COL4A6: variants seen among roughly 807,000 people sequenced by gnomAD.
COL4A6 encodes the protein collagen type IV alpha 6 chain.
A neutral mutation model predicts 126.7 loss-of-function variants in COL4A6; 59 were observed. The ratio of observed to expected loss-of-function variants is 0.47; its 90% confidence interval spans 0.38 to 0.58. The LOEUF (loss-of-function observed/expected upper bound fraction) is 0.58, where lower values mean the gene tolerates loss of function less well. Among genes scored for constraint, COL4A6 ranks in the 20% least tolerant of loss-of-function variants. The pLI is 0.00. For missense variants in COL4A6, 1,285 were observed against 1,337.3 expected, an observed-to-expected ratio of 0.96 and a Z score of 0.61; for synonymous variants, 547 against 496.6, an observed-to-expected ratio of 1.10 and a Z score of -1.35.
intron 3 of COL4A6, among the ~76,000 whole-genome samples, chrX:108,282,021 T>G (rs1316670150): frequency 9.0e-6 from 1 of 111,045 alleles, no homozygotes; most frequent in Non-Finnish European, 1.9e-5. Flanking sequence ...ACTGAAACGT[T>G]AGACCTAAAA....
intron 2 of COL4A6, among the ~76,000 whole-genome samples, chrX:108,385,285 T>A (rs1411048106): frequency 9.2e-6 from 1 of 108,429 alleles, no homozygotes; most frequent in Non-Finnish European, 1.9e-5. Context: ...ATATAGGAAT[T>A]ACTTTGACAA....
At chrX:108,421,649 A>G (rs2063983169) in intron 2 of COL4A6, among the ~76,000 whole-genome samples, 1 of 112,326 alleles carries the variant, frequency 8.9e-6, no homozygotes, top group African/African-American at 3.2e-5. Flanking sequence ...AGATTTATCC[A>G]TGTAAATCTC....
rs1307806854 is a variant in COL4A6, at chrX:108,194,529, A to G, written c.1002+5T>C. The G allele has an allele frequency of 8.3e-7, 1 of 1,206,501 alleles. No individual in the cohort carries two copies. Among genetic ancestry groups the G allele is most frequent in the Non-Finnish European group, 1.1e-6 (1 of 893,428 alleles). ...AACCCTGGATTTTTCACTTCCCAAC[A>G]TTACCTCAATTCCTTGGAATCCATT... On this transcript the variant is annotated splice_donor_5th_base_variant and intron_variant, in intron 16 of 44. Coordinates refer to ENST00000334504, the MANE Select transcript of COL4A6 (RefSeq NM_033641.4).
intron 2 of COL4A6, among the ~76,000 whole-genome samples, chrX:108,393,369 G>T (rs963521010): frequency 1.8e-5 from 2 of 112,222 alleles, no homozygotes; most frequent in African/African-American, 6.5e-5. Context: ...CTAAGTGAAA[G>T]AATCCATTTA....
chrX:108,269,991 G>A (rs1209629737), intron 3 of COL4A6, among the ~76,000 whole-genome samples: 3 of 111,810 alleles, frequency 2.7e-5, no homozygotes, highest in Admixed American at 1.9e-4. Flanking sequence ...GTCCTTTGGA[G>A]CCATGGGCCT....
chrX:108,188,085 C>T (rs1368576979), intron 21 of COL4A6, 58 bp from the exon 22 acceptor site: 17 of 995,271 alleles, frequency 1.7e-5, no homozygotes, highest in Admixed American at 4.9e-5. Flanking sequence ...CATAGAATTC[C>T]GGCACCTAGC....
rs1603091133 is a variant in COL4A6, at chrX:108,324,527, A to T, written c.64-13699T>A. On this transcript the variant is annotated intron_variant, in intron 2 of 44. Transcript: ENST00000334504. ...CATGTGAGGAATACTCAGATTTAGCAAATAAAAATACAGGATGCACATTAA... is the reference window on the plus strand; with the variant it reads ...CATGTGAGGAATACTCAGATTTAGCTAATAAAAATACAGGATGCACATTAA... Among the ~76,000 whole-genome samples the T allele has an allele frequency of 6.2e-5, 7 of 112,131 alleles. 2 individuals are homozygous for T.
rs185190478 is a variant in COL4A6 at position 108,260,350 on chromosome X, A to G, written c.145-38976T>C. 9.9e-5 allele frequency among the ~76,000 whole-genome samples: 11 copies of G among 111,316 alleles called. No individual in the cohort carries two copies. In the East Asian group the frequency reaches 3.1e-3, roughly 32 times the overall value. On this transcript the variant is annotated intron_variant, in intron 3 of 44. Coordinates refer to ENST00000334504, the MANE Select transcript of COL4A6 (RefSeq NM_033641.4). ...TAAATGGAAAAGAAACATTTTGCAA[A>G]TTAAGTGAATGATATGGTTTGGCTC...
intron 1 of COL4A6, 56 bp from the exon 2 acceptor site, chrX:108,438,049 T>C: frequency 8.4e-7 from 1 of 1,195,996 alleles, no homozygotes. Context: ...GTCGTGCGTC[T>C]GCCTGTCGCC....
At chrX:108,303,326 G>A (rs2038541366) in intron 3 of COL4A6, among the ~76,000 whole-genome samples, 1 of 110,871 alleles carries the variant, frequency 9.0e-6, no homozygotes, top group Non-Finnish European at 1.9e-5. Context: ...TTAGAGACTA[G>A]GGAGGAAAGG....
intron 27 of COL4A6, among the ~76,000 whole-genome samples, chrX:108,178,444 A>G (rs950608223): frequency 8.9e-6 from 1 of 112,540 alleles, no homozygotes; most frequent in African/African-American, 3.2e-5. Flanking sequence ...GCATGAGGCC[A>G]TGGAGGAGGC....
intron 3 of COL4A6, among the ~76,000 whole-genome samples, chrX:108,251,598 C>T (rs1288702487): frequency 8.9e-6 from 1 of 112,102 alleles, no homozygotes; most frequent in Non-Finnish European, 1.9e-5. Flanking sequence ...TATACATTTA[C>T]TGCCTCTGTA....
intron 3 of COL4A6, among the ~76,000 whole-genome samples, chrX:108,222,372 T>C (rs948374069): frequency 2.7e-5 from 3 of 112,503 alleles, no homozygotes; most frequent in Admixed American, 9.4e-5. Flanking sequence ...TCTCCACCTC[T>C]TGGCCCCTTT....
chrX:108,238,545 A>C (rs2148313333), intron 3 of COL4A6, among the ~76,000 whole-genome samples: 1 of 109,661 alleles, frequency 9.1e-6, no homozygotes, highest in African/African-American at 3.3e-5. Flanking sequence ...CTTATGTAAT[A>C]TTCAAAAGTA....
At position 108,438,168 on chromosome X, in the gene COL4A6, G is replaced by C. The variant is rs1177777187; in HGVS notation, c.11+18C>G. The C allele has an allele frequency of 1.7e-6, 2 of 1,205,766 alleles. No individual in the cohort carries two copies. The highest frequency in any genetic ancestry group is 2.2e-6 in the Non-Finnish European group (2 of 893,355). On this transcript the variant is annotated intron_variant, in intron 1 of 44. Transcript: ENST00000334504. ...GAAGTAAGAAAGAGGAGGGGAGCTC[G>C]GGGCAGCAACAGCTCACCCAGGGTG... is the stretch of plus-strand genomic sequence containing the variant.
chrX:108,384,178 G>A (rs1173961209), intron 2 of COL4A6, among the ~76,000 whole-genome samples: 2 of 110,066 alleles, frequency 1.8e-5, no homozygotes, highest in Non-Finnish European at 3.8e-5. Flanking sequence ...TAACCACTTA[G>A]CCACTTACCC....
chrX:108,416,551 G>A (rs1260329529), intron 2 of COL4A6, among the ~76,000 whole-genome samples: 1 of 111,929 alleles, frequency 8.9e-6, no homozygotes, highest in Non-Finnish European at 1.9e-5. Flanking sequence ...GTGGCCAAAG[G>A]AATGTTTCTA....
At chrX:108,323,163 A>T (rs1050326101) in intron 2 of COL4A6, among the ~76,000 whole-genome samples, 7 of 112,151 alleles carry the variant, frequency 6.2e-5, no homozygotes, top group Non-Finnish European at 1.3e-4. Context: ...GGGAAAGTAG[A>T]GTTATAACTA....
At chrX:108,199,508 G>A (rs1215178246) in intron 13 of COL4A6, among the ~76,000 whole-genome samples, 4 of 111,564 alleles carry the variant, frequency 3.6e-5, no homozygotes, top group South Asian at 3.8e-4. Context: ...AATTCCCACC[G>A]TATGAAAACA....
Sources: allele counts gnomAD v4.1 joint callset (sites outside exome capture counted in the v4.1 genomes callset), GRCh38; gene constraint gnomAD v4.1.1; transcripts MANE v1.5; gene names NCBI Gene and HGNC (gene_info 2026-07-23, HGNC 2026-07-21).